Variants in MORC2 observed in about 807,000 individuals in gnomAD.
The protein encoded by MORC2 is ATPase MORC2.
MORC2 carries 30 observed loss-of-function variants against 136.0 expected under a neutral mutation model. The observed-to-expected ratio is 0.22, with a 90% CI of 0.17 to 0.30. MORC2 has a LOEUF of 0.30. MORC2 is among the 10% of genes least tolerant of loss of function. MORC2 has a pLI of 1.00. For synonymous variants in MORC2, 439 were observed against 487.0 expected (o/e 0.90, Z 1.30); for missense variants, 922 against 1,333.1 (o/e 0.69, Z 4.80).
intron 3 of MORC2, among the ~76,000 whole-genome samples, chr22:30,951,359 A>G (rs1193986477): frequency 6.6e-6 from 1 of 152,254 alleles, no homozygotes; most frequent in Non-Finnish European, 1.5e-5. Context: ...ATATGGAAAC[A>G]GGCTATACTA....
In MORC2 at chr22:30,941,759, G is replaced by T; in HGVS notation, c.698+132C>A. ...CAGCACAGGCACCCCACAGGCAACT[G>T]AGCTGGCCCTACATACTACCCTACC... On this transcript the variant is annotated intron_variant, in intron 8 of 25. Transcript: ENST00000397641. This position sits in a 1 kb window ranked among gnomAD's most constrained non-coding sequence, Gnocchi z 4.6. 9.0e-7 allele frequency: 1 copy of T among 1,114,686 alleles called. No individual in the cohort carries two copies. Among genetic ancestry groups the T allele is most frequent in the Non-Finnish European group, 1.3e-6 (1 of 769,016 alleles). 69.0% of individuals were successfully genotyped at this position (1,114,686 alleles called of 1,614,324 possible).
chr22:30,967,111 T>C (rs2041139676), intron 1 of MORC2: 6 of 985,384 alleles, frequency 6.1e-6, no homozygotes, highest in Non-Finnish European at 7.2e-6. Context: ...CACTAAAGTT[T>C]TGACGCTACT....
rs1233670599 is a variant in MORC2, at chr22:30,966,606, G to A, written c.68+1216C>T. 5.9e-5 allele frequency among the ~76,000 whole-genome samples: 9 copies of A among 152,002 alleles called. No individual in the cohort carries two copies. The South Asian group carries it at 8.3e-4, about 14-fold the overall frequency. ...CCTGGCCAACATATAGTGAAACCCC[G>A]TCTCTCTAAAAAAATACAAAAATTA... On this transcript the variant is annotated intron_variant, in intron 1 of 25. Transcript: ENST00000397641.
In MORC2 at chr22:30,934,956, G is replaced by C. The variant is rs778099643; in HGVS notation, c.2018C>G (p.Ala673Gly). The change falls in exon 19 of 26, where the codon GCA becomes GGA. Residue 673 changes from alanine to glycine, a missense_variant. Physicochemically the swap from Ala to Gly is moderately conservative, Grantham distance 60 (BLOSUM62 0). This residue lies in a region of MORC2 where 184 missense variants were observed against 180.3 expected (regional missense o/e 1.02). Coordinates refer to ENST00000397641, the MANE Select transcript of MORC2 (RefSeq NM_001303256.3). The surrounding 1 kb of genome is among the most constrained non-coding windows in gnomAD (Gnocchi z 4.4). ...GAGAGTGTTGGCAGGCTTTCGGGGT[G>C]CCTCAGGTGGCTGGAGCAGCCTAGA... Reference protein sequence around the residue: ...STSRLLQPPEAPRKPANTLVK... With the variant: ...STSRLLQPPEGPRKPANTLVK... 5 of 1,614,142 alleles carry C rather than the reference G, an allele frequency of 3.1e-6. No homozygotes were observed. In the East Asian group the frequency reaches 8.9e-5, roughly 29 times the overall value.
chr22:30,927,436 T>C (rs2040503052), intron 25 of MORC2, among the ~76,000 whole-genome samples: 1 of 152,176 alleles, frequency 6.6e-6, no homozygotes, highest in African/African-American at 2.4e-5. Context: ...CTGCCTGGAA[T>C]GCTCGTGTCA....
intron 25 of MORC2, 115 bp from the exon 26 acceptor site, chr22:30,926,986 C>A: frequency 1.3e-6 from 1 of 758,456 alleles, no homozygotes; most frequent in Non-Finnish European, 2.2e-6. Flanking sequence ...CCTGACCTCC[C>A]ACCCCGCCCT....
Position 30,932,293 on chromosome 22 carries a change from A to C in MORC2, c.2841+66T>G. The C allele has an allele frequency of 2.2e-6, 3 of 1,334,608 alleles. No individual in the cohort carries two copies. The highest frequency in any genetic ancestry group is 3.2e-6 in the Non-Finnish European group (3 of 947,426). The allele number at this position is 1,334,608 out of a possible 1,614,324, so 82.7% of individuals were successfully genotyped here. A position where few individuals can be genotyped will look rare whatever the true frequency, so the allele number is the denominator to read the frequency against. ...CGTAACAATCATAATCACAACAGTT[A>C]CAACAAATGCAGGGGCAGGGGTGGG... is the stretch of plus-strand genomic sequence containing the variant. On this transcript the variant is annotated intron_variant, in intron 24 of 25. Transcript: ENST00000397641. The surrounding 1 kb of genome is among the most constrained non-coding windows in gnomAD (Gnocchi z 4.4).
intron 1 of MORC2, chr22:30,967,218 T>A: frequency 1.0e-6 from 1 of 986,078 alleles, no homozygotes; most frequent in Non-Finnish European, 1.2e-6. Flanking sequence ...TCAAGAACCA[T>A]GAACACTGTA....
At chr22:30,928,275 A>G in intron 24 of MORC2, 68 bp from the exon 25 acceptor site, 1 of 1,519,794 alleles carries the variant, frequency 6.6e-7, no homozygotes, top group Non-Finnish European at 9.1e-7. Flanking sequence ...TTCTAGGCTG[A>G]CACGGGTGTC....
At chr22:30,960,121 C>T (rs1040540485) in intron 1 of MORC2, among the ~76,000 whole-genome samples, 2 of 152,160 alleles carry the variant, frequency 1.3e-5, no homozygotes, top group African/African-American at 2.4e-5. Flanking sequence ...GCATGCGCCA[C>T]CACACCCGGC....
intron 3 of MORC2, among the ~76,000 whole-genome samples, chr22:30,953,140 T>C (rs1311691509): frequency 6.6e-6 from 1 of 152,206 alleles, no homozygotes; most frequent in African/African-American, 2.4e-5. Context: ...TCCTCATATA[T>C]TCCACCATAG....
intron 10 of MORC2, 113 bp from the exon 11 acceptor site, chr22:30,940,154 A>C (rs2040721685): frequency 1.9e-6 from 2 of 1,067,032 alleles, no homozygotes; most frequent in South Asian, 1.4e-5. Context: ...GGAAAAAAAG[A>C]GTAGGGGGAG....
Position 30,946,363 on chromosome 22 carries a change from T to C in MORC2, c.404A>G (p.His135Arg). The change falls in exon 6 of 26, where the codon CAT becomes CGT. Residue 135 changes from histidine to arginine, a missense_variant. Coordinates refer to ENST00000397641, the MANE Select transcript of MORC2 (RefSeq NM_001303256.3). ...MTCLFLSRTF[H>R]EEEGIDEVIV... ...TACTTCATCAATGCCTTCTTCCTCATGAAACGTGCGAGACAGGAAGAGGCA... is the reference window on the plus strand; with the variant it reads ...TACTTCATCAATGCCTTCTTCCTCACGAAACGTGCGAGACAGGAAGAGGCA... 1 of 1,609,910 alleles carries C rather than the reference T, an allele frequency of 6.2e-7. No homozygotes were observed. The highest frequency in any genetic ancestry group is 8.5e-7 in the Non-Finnish European group (1 of 1,177,936).
intron 4 of MORC2, 33 bp downstream of exon 4, chr22:30,950,344 C>T (rs1219326954): frequency 1.4e-6 from 1 of 709,476 alleles, no homozygotes; most frequent in Non-Finnish European, 2.6e-6. Context: ...ATCGCACCCC[C>T]CCACCCCCCA....
intron 6 of MORC2, among the ~76,000 whole-genome samples, chr22:30,945,270 C>T (rs2147273689): frequency 1.3e-5 from 2 of 152,316 alleles, no homozygotes; most frequent in Admixed American, 1.3e-4. Context: ...GCAGAATGAA[C>T]TCACATACCA....
At chr22:30,939,298 T>TA in intron 12 of MORC2, among the ~76,000 whole-genome samples, 1 of 152,310 alleles carries the variant, frequency 6.6e-6, no homozygotes, top group East Asian at 1.9e-4. Context: ...TGTTACTCCT[T>TA]AAACATTTTA....
chr22:30,963,978 G>C (rs1415185128), intron 1 of MORC2, among the ~76,000 whole-genome samples: 2 of 152,106 alleles, frequency 1.3e-5, no homozygotes, highest in South Asian at 2.1e-4. Flanking sequence ...TTTAAGATAT[G>C]AGCCTGCTCA....
intron 1 of MORC2, among the ~76,000 whole-genome samples, chr22:30,965,116 C>G (rs1449440439): frequency 1.3e-5 from 2 of 152,236 alleles, no homozygotes; most frequent in Non-Finnish European, 2.9e-5. Flanking sequence ...TTTGCAAGCA[C>G]ACGGTCTTTT....
rs1377414018 is a variant in MORC2, at chr22:30,932,509, C to T, written c.2747+36G>A. 1.2e-6 allele frequency: 2 copies of T among 1,612,798 alleles called. No individual in the cohort carries two copies. The highest frequency in any genetic ancestry group is 1.7e-6 in the Non-Finnish European group (2 of 1,178,986). On this transcript the variant is annotated intron_variant, in intron 23 of 25. Coordinates refer to ENST00000397641, the MANE Select transcript of MORC2 (RefSeq NM_001303256.3). The surrounding 1 kb of genome is among the most constrained non-coding windows in gnomAD (Gnocchi z 4.4). Reference sequence around the variant, plus strand: ...GCATGGAGCAGGCAGAGAGCTGCTGCTGGCCCTGGGGTGGGAAGACAAAAG... The same window carrying T: ...GCATGGAGCAGGCAGAGAGCTGCTGTTGGCCCTGGGGTGGGAAGACAAAAG...
Sources: allele counts gnomAD v4.1 joint callset (sites outside exome capture counted in the v4.1 genomes callset), GRCh38; gene constraint gnomAD v4.1.1; regional missense constraint gnomAD v4.1.1; non-coding constraint Gnocchi (gnomAD v3.1); transcripts MANE v1.5; gene names NCBI Gene and HGNC (gene_info 2026-07-23, HGNC 2026-07-21).